Variants in NALF1 observed in about 807,000 individuals in gnomAD.
The protein encoded by NALF1 is family with sequence similarity 155 member A.
NALF1 carries 3 observed loss-of-function variants against 48.4 expected under a neutral mutation model. That is an observed-to-expected ratio of 0.06 (90% CI 0.03 to 0.16). NALF1 has a LOEUF of 0.16. NALF1 is among the 10% of genes least tolerant of loss of function. The probability of loss-of-function intolerance (pLI) is 1.00; values close to 1 mark genes in which losing one functional copy is unlikely to be tolerated. For synonymous variants in NALF1, 262 were observed against 245.7 expected (o/e 1.07, Z -0.62); for missense variants, 526 against 571.5 (o/e 0.92, Z 0.81).
chr13:107,751,012 G>A (rs1031479679), intron 1 of NALF1, among the ~76,000 whole-genome samples: 2 of 152,140 alleles, frequency 1.3e-5, no homozygotes, highest in African/African-American at 2.4e-5. Context: ...TGATAAAACA[G>A]GCCAGAAATT....
chr13:107,191,267 A>G (rs548828081), intron 2 of NALF1, among the ~76,000 whole-genome samples: 4 of 152,284 alleles, frequency 2.6e-5, no homozygotes, highest in African/African-American at 7.2e-5. Context: ...AAATAGTAAA[A>G]AAAAAAAATG....
Position 107,673,251 on chromosome 13 carries a change from G to A in NALF1, c.915+192431C>T, listed in dbSNP as rs7999757. On this transcript the variant is annotated intron_variant, in intron 1 of 2. Coordinates refer to ENST00000375915, the MANE Select transcript of NALF1 (RefSeq NM_001080396.3). ...TAAAGGATTAATTTAATGAGATTTA[G>A]TTCTCAGGGGAAATGCTTTAATGAA... Among the ~76,000 whole-genome samples the A allele has an allele frequency of 8.3e-3, 1,264 of 152,148 alleles. 24 individuals carry two copies. The highest frequency in any genetic ancestry group is 0.029 in the African/African-American group (1,212 of 41,498).
chr13:107,365,841 A>G (rs781231422), intron 1 of NALF1, among the ~76,000 whole-genome samples: 2 of 151,972 alleles, frequency 1.3e-5, no homozygotes, highest in Non-Finnish European at 2.9e-5. Context: ...TATTTTGCCT[A>G]CTCCCGTTCA....
intron 1 of NALF1, among the ~76,000 whole-genome samples, chr13:107,773,283 A>G (rs1877629238): frequency 6.6e-6 from 1 of 152,210 alleles, no homozygotes; most frequent in Non-Finnish European, 1.5e-5. Context: ...AGATAGTACT[A>G]GCAAATGTGA....
At chr13:107,409,435 G>T (rs1475647674) in intron 1 of NALF1, among the ~76,000 whole-genome samples, 1 of 152,130 alleles carries the variant, frequency 6.6e-6, no homozygotes. Flanking sequence ...AAAGGATCCG[G>T]CCTGTTAGAG....
chr13:107,518,598 C>A (rs899384161), intron 1 of NALF1, among the ~76,000 whole-genome samples: 2 of 152,076 alleles, frequency 1.3e-5, no homozygotes, highest in African/African-American at 2.4e-5. Context: ...ACCAAAGGTA[C>A]CTTTTCTCCT....
intron 1 of NALF1, among the ~76,000 whole-genome samples, chr13:107,407,499 A>T (rs1012799805): frequency 6.6e-6 from 1 of 152,152 alleles, no homozygotes; most frequent in Non-Finnish European, 1.5e-5. Context: ...AAACAGGTAT[A>T]TGAAAAGGTG....
chr13:107,863,258 A>G (rs4772922), intron 1 of NALF1, among the ~76,000 whole-genome samples: 33,053 of 151,980 alleles, frequency 0.22, 3,863 homozygotes, highest in East Asian at 0.48. Flanking sequence ...TATCTTTCAA[A>G]GACAAAAAAC....
chr13:107,345,561 G>C (rs1193128259), intron 1 of NALF1, among the ~76,000 whole-genome samples: 1 of 152,174 alleles, frequency 6.6e-6, no homozygotes, highest in Non-Finnish European at 1.5e-5. Context: ...ATGGAAAGAA[G>C]AGTCTCTTCA....
chr13:107,560,623 GTTCT>G (rs1343156328), intron 1 of NALF1, among the ~76,000 whole-genome samples: 3 of 152,074 alleles, frequency 2.0e-5, no homozygotes, highest in Non-Finnish European at 4.4e-5. Context: ...TTATTAGTAT[GTTCT>G]TTCTGCTCAT....
intron 1 of NALF1, among the ~76,000 whole-genome samples, chr13:107,559,238 C>T (rs1038695441): frequency 1.3e-5 from 2 of 151,994 alleles, no homozygotes; most frequent in Non-Finnish European, 2.9e-5. Flanking sequence ...GGAGTAACTC[C>T]CAAAGTTTGC....
intron 1 of NALF1, among the ~76,000 whole-genome samples, chr13:107,477,195 A>G (rs1341760793): frequency 6.6e-6 from 1 of 152,132 alleles, no homozygotes; most frequent in Non-Finnish European, 1.5e-5. Context: ...GGTCTTCTGC[A>G]TCAACCTGAC....
intron 1 of NALF1, among the ~76,000 whole-genome samples, chr13:107,236,177 T>C (rs1594083150): frequency 6.6e-6 from 1 of 152,114 alleles, no homozygotes; most frequent in African/African-American, 2.4e-5. Context: ...TATTGTTGGT[T>C]GCTCTCTAGC....
At chr13:107,632,909 GA>G (rs57758796) in intron 1 of NALF1, among the ~76,000 whole-genome samples, 7,892 of 139,100 alleles carry the variant, frequency 0.057, 748 homozygotes, top group African/African-American at 0.2. Flanking sequence ...CAAGCCTCAT[GA>G]AAAAAAAAAA....
At position 107,478,794 on chromosome 13, in the gene NALF1, C is replaced by T. The variant is rs187117592; in HGVS notation, c.916-268039G>A. On this transcript the variant is annotated intron_variant, in intron 1 of 2. Transcript: ENST00000375915. Reference sequence around the variant, plus strand: ...CCTTTTTTGATTTTCACTAAAACCTCGGATTTGTGCCACTTCAACACAAAA... The same window carrying T: ...CCTTTTTTGATTTTCACTAAAACCTTGGATTTGTGCCACTTCAACACAAAA... Among the ~76,000 whole-genome samples the T allele has an allele frequency of 2.6e-3, 388 of 152,058 alleles. 1 individual carries two copies. Among genetic ancestry groups the T allele is most frequent in the African/African-American group, 8.5e-3 (351 of 41,472 alleles).
intron 1 of NALF1, among the ~76,000 whole-genome samples, chr13:107,433,948 G>A (rs1270143581): frequency 6.6e-6 from 1 of 152,152 alleles, no homozygotes; most frequent in Non-Finnish European, 1.5e-5. Context: ...TCACAGACAA[G>A]CAAGGCTTGT....
At chr13:107,271,276 G>A (rs894614247) in intron 1 of NALF1, among the ~76,000 whole-genome samples, 4 of 152,136 alleles carry the variant, frequency 2.6e-5, no homozygotes, top group Non-Finnish European at 5.9e-5. Flanking sequence ...TCGCACTCCA[G>A]TTTCAACTGG....
intron 1 of NALF1, among the ~76,000 whole-genome samples, chr13:107,631,584 T>G (rs1879836177): frequency 6.6e-6 from 1 of 152,086 alleles, no homozygotes. Context: ...TCTTGAGAGC[T>G]TTTTATTACA....
Position 107,455,558 on chromosome 13 carries a change from T to C in NALF1, c.916-244803A>G, listed in dbSNP as rs545517633. Among the ~76,000 whole-genome samples the C allele has an allele frequency of 4.6e-5, 7 of 152,290 alleles. No homozygotes were observed. The South Asian group carries it at 1.0e-3, about 23-fold the overall frequency. ...AGACATCATCATCACCCAGAGTTCA[T>C]AGTTTACATTATTGTTCACTCTCAG... On this transcript the variant is annotated intron_variant, in intron 1 of 2. Transcript: ENST00000375915.
Sources: allele counts gnomAD v4.1 joint callset (sites outside exome capture counted in the v4.1 genomes callset), GRCh38; gene constraint gnomAD v4.1.1; transcripts MANE v1.5; gene names NCBI Gene and HGNC (gene_info 2026-07-23, HGNC 2026-07-21).